KIAA0825: variants seen among roughly 807,000 people sequenced by gnomAD.
KIAA0825 encodes uncharacterized protein KIAA0825.
KIAA0825 carries 119 observed loss-of-function variants against 147.6 expected under a neutral mutation model. The ratio of observed to expected loss-of-function variants is 0.81; its 90% CI spans 0.69 to 0.94. The LOEUF is 0.94. Ranked by LOEUF, KIAA0825 falls within the 40% of genes least tolerant of loss-of-function variation. The pLI is 0.00. For missense variants in KIAA0825, 1,381 were observed against 1,472.7 expected (o/e 0.94, Z 1.02); for synonymous variants, 470 against 518.1 (o/e 0.91, Z 1.26).
At chr5:94,198,955 T>C (rs1437452555) in intron 20 of KIAA0825, among the ~76,000 whole-genome samples, 1 of 152,192 alleles carries the variant, frequency 6.6e-6, no homozygotes, top group Non-Finnish European at 1.5e-5. Flanking sequence ...TTTGGATCAT[T>C]TTACTCTTTT....
intron 2 of KIAA0825, among the ~76,000 whole-genome samples, chr5:94,577,319 A>T (rs1781244764): frequency 6.6e-6 from 1 of 152,240 alleles, no homozygotes; most frequent in South Asian, 2.1e-4. Flanking sequence ...GACAAAGGAT[A>T]GATAAAATCA....
intron 20 of KIAA0825, among the ~76,000 whole-genome samples, chr5:94,379,307 C>G (rs974387143): frequency 6.6e-6 from 1 of 152,106 alleles, no homozygotes; most frequent in Non-Finnish European, 1.5e-5. Context: ...AGTTCAGTTT[C>G]AATCTTTTGC....
chr5:94,521,452 C>A (rs1439384822), intron 4 of KIAA0825, among the ~76,000 whole-genome samples: 3 of 151,560 alleles, frequency 2.0e-5, no homozygotes, highest in African/African-American at 7.3e-5. Context: ...CTAAAATATA[C>A]CTTTCTGAGA....
At chr5:94,559,578 A>G (rs1233811355) in intron 2 of KIAA0825, among the ~76,000 whole-genome samples, 2 of 152,216 alleles carry the variant, frequency 1.3e-5, no homozygotes, top group African/African-American at 4.8e-5. Context: ...CAAAACTTTA[A>G]CTGATCCCAT....
At chr5:94,292,606 G>A (rs536116344) in intron 20 of KIAA0825, among the ~76,000 whole-genome samples, 1 of 152,148 alleles carries the variant, frequency 6.6e-6, no homozygotes, top group African/African-American at 2.4e-5. Context: ...ACAGGTTTTG[G>A]TATCAGGATG....
chr5:94,239,443 T>C (rs914412012), intron 20 of KIAA0825, among the ~76,000 whole-genome samples: 1 of 152,198 alleles, frequency 6.6e-6, no homozygotes, highest in Non-Finnish European at 1.5e-5. Flanking sequence ...ACATTCCTAG[T>C]ACAAAGTATT....
rs375310664 is a variant in KIAA0825, at chr5:94,467,440, T to C, written c.1873-2381A>G. Among the ~76,000 whole-genome samples, 5 of 152,340 alleles carry C rather than the reference T, an allele frequency of 3.3e-5. No homozygotes were observed. The East Asian group carries it at 9.6e-4, about 29-fold the overall frequency. ...ATTATAGAAGCCACTCAATATTATCTTTGAACAGACAATTCTTTATTCTTT... is the reference window on the plus strand; with the variant it reads ...ATTATAGAAGCCACTCAATATTATCCTTGAACAGACAATTCTTTATTCTTT... On this transcript the variant is annotated intron_variant, in intron 10 of 20. Transcript: ENST00000682413.
intron 5 of KIAA0825, among the ~76,000 whole-genome samples, chr5:94,490,222 A>T (rs750594192): frequency 6.6e-6 from 1 of 152,218 alleles, no homozygotes; most frequent in South Asian, 2.1e-4. Context: ...GCATAATCTC[A>T]TACAAAGTAG....
chr5:94,361,176 A>G (rs1218942573), intron 20 of KIAA0825, among the ~76,000 whole-genome samples: 1 of 152,212 alleles, frequency 6.6e-6, no homozygotes, highest in East Asian at 1.9e-4. Context: ...AAGTTTTTTT[A>G]AAGTGCTAAA....
intron 3 of KIAA0825, among the ~76,000 whole-genome samples, chr5:94,528,355 C>T (rs1207224537): frequency 6.6e-6 from 1 of 152,146 alleles, no homozygotes; most frequent in Non-Finnish European, 1.5e-5. Flanking sequence ...AGTTAGGGTC[C>T]TCTCTTGATT....
intron 10 of KIAA0825, among the ~76,000 whole-genome samples, chr5:94,466,663 G>C (rs750750369): frequency 3.2e-4 from 48 of 150,576 alleles, no homozygotes; most frequent in African/African-American, 1.2e-3. Context: ...AGTGAACCCG[G>C]GAGGCAGAGC....
In KIAA0825 at chr5:94,471,656, C is replaced by G. The variant is rs1350905126; in HGVS notation, c.1531G>C (p.Glu511Gln). ...ALACRDDSFQ[E>Q]IRANLVEACC... is the part of the protein sequence containing the mutation. ...GCCTCCACCAAGTTTGCTCTAATTT[C>G]CTGAAAAGAATCATCTCTGCATGCC... The change falls in exon 9 of 21, where the codon GAA becomes CAA. Residue 511 changes from glutamate (E) to glutamine (Q), a missense_variant. Transcript: ENST00000682413. The G allele has an allele frequency of 3.9e-6, 6 of 1,552,210 alleles. No homozygotes were observed. In the Admixed American group the frequency reaches 5.9e-5, roughly 15 times the overall value.
At chr5:94,537,762 C>T (rs1456075568) in intron 2 of KIAA0825, among the ~76,000 whole-genome samples, 1 of 152,076 alleles carries the variant, frequency 6.6e-6, no homozygotes, top group Non-Finnish European at 1.5e-5. Context: ...ACAGAGCCCA[C>T]AGACCACTGT....
intron 20 of KIAA0825, among the ~76,000 whole-genome samples, chr5:94,171,432 C>T (rs975560125): frequency 5.9e-5 from 9 of 152,102 alleles, no homozygotes; most frequent in African/African-American, 2.2e-4. Context: ...ATACAGAGTG[C>T]AAATGCCTTT....
intron 5 of KIAA0825, among the ~76,000 whole-genome samples, chr5:94,506,800 T>C (rs1765787356): frequency 6.6e-6 from 1 of 152,214 alleles, no homozygotes; most frequent in Admixed American, 6.5e-5. Flanking sequence ...TAGAATATAC[T>C]TATAAAAGGC....
chr5:94,283,380 T>G (rs1338407294), intron 20 of KIAA0825, among the ~76,000 whole-genome samples: 2 of 152,098 alleles, frequency 1.3e-5, no homozygotes, highest in African/African-American at 4.8e-5. Context: ...TTCTCTGCTA[T>G]CCAGTGTAGG....
At chr5:94,426,539 C>A in intron 14 of KIAA0825, among the ~76,000 whole-genome samples, 1 of 152,058 alleles carries the variant, frequency 6.6e-6, no homozygotes, top group African/African-American at 2.4e-5. Flanking sequence ...CCGATAGAAA[C>A]CAGAGGCTTG....
chr5:94,502,209 T>C (rs545953383), intron 5 of KIAA0825, among the ~76,000 whole-genome samples: 1 of 152,268 alleles, frequency 6.6e-6, no homozygotes, highest in Non-Finnish European at 1.5e-5. Context: ...CATACATACA[T>C]ACACACATGA....
At chr5:94,586,014 C>T (rs975378530) in intron 1 of KIAA0825, among the ~76,000 whole-genome samples, 1 of 151,998 alleles carries the variant, frequency 6.6e-6, no homozygotes, top group African/African-American at 2.4e-5. Flanking sequence ...ATAACATACC[C>T]GAATCTCAGG....
Sources: gnomAD v4.1 joint callset for allele counts (sites outside exome capture counted in the v4.1 genomes callset) on GRCh38, gnomAD v4.1.1 for gene constraint, MANE v1.5 for transcripts, NCBI Gene and HGNC (gene_info 2026-07-23, HGNC 2026-07-21) for gene names.